Variants in OR1J2 observed in about 807,000 individuals in gnomAD.
The protein encoded by OR1J2 is olfactory receptor 1J2.
For missense variants in OR1J2, 304 were observed against 246.1 expected, an observed-to-expected ratio of 1.24 and a Z score of -1.57; for synonymous variants, 142 against 99.7, an observed-to-expected ratio of 1.42 and a Z score of -2.52.
chr9:122,526,694 C>G, the OR1J2 span: 1 of 1,614,098 alleles, frequency 6.2e-7, no homozygotes, highest in South Asian at 1.1e-5. Context: ...CGGTGCCTCC[C>G]AAGACAAAAA....
chr9:122,485,048 T>C, the OR1J2 span, among the ~76,000 whole-genome samples: 8 of 151,878 alleles, frequency 5.3e-5, no homozygotes, highest in Non-Finnish European at 1.2e-4. Context: ...CAAAAAACAG[T>C]GTGCAGAAGC....
the OR1J2 span, among the ~76,000 whole-genome samples, chr9:122,478,879 A>C: frequency 6.6e-6 from 1 of 151,980 alleles, no homozygotes; most frequent in Admixed American, 6.6e-5. Context: ...TCCTGGGTTC[A>C]AGCGATTCTT....
chr9:122,577,567 G>GAAC, the OR1J2 span, among the ~76,000 whole-genome samples: 1 of 152,050 alleles, frequency 6.6e-6, no homozygotes. Context: ...TAGCAATAAT[G>GAAC]AACTATTGGA....
the OR1J2 span, among the ~76,000 whole-genome samples, chr9:122,541,276 G>A: frequency 2.6e-5 from 4 of 152,112 alleles, no homozygotes. Flanking sequence ...GCTGGCAGTA[G>A]ATAAAATAGA....
At chr9:122,475,451 A>G in the OR1J2 span, among the ~76,000 whole-genome samples, 4 of 152,204 alleles carry the variant, frequency 2.6e-5, no homozygotes, top group Non-Finnish European at 4.4e-5. Flanking sequence ...AGCTTCTTCC[A>G]TTAAGCTTGA....
downstream of OR1J2, chr9:122,511,815 T>A: frequency 1.4e-6 from 1 of 732,838 alleles, no homozygotes; most frequent in Middle Eastern, 3.6e-4. Context: ...TTTGAATATG[T>A]CTCAAAACAT....
At chr9:122,578,731 C>A in the OR1J2 span, among the ~76,000 whole-genome samples, 1 of 152,054 alleles carries the variant, frequency 6.6e-6, no homozygotes, top group Admixed American at 6.6e-5. Flanking sequence ...ATCGTATGTT[C>A]TCACTCATAA....
chr9:122,519,536 C>T, the OR1J2 span: 19 of 1,614,064 alleles, frequency 1.2e-5, no homozygotes, highest in South Asian at 2.2e-5. Context: ...CCCTCCGCTA[C>T]ACCACTATCA....
At chr9:122,492,855 T>C in the OR1J2 span, among the ~76,000 whole-genome samples, 1 of 152,180 alleles carries the variant, frequency 6.6e-6, no homozygotes, top group Admixed American at 6.5e-5. Context: ...TTGTTGTAGA[T>C]GGCTTTTATT....
chr9:122,495,842 A>C, the OR1J2 span, among the ~76,000 whole-genome samples: 1 of 152,186 alleles, frequency 6.6e-6, no homozygotes, highest in South Asian at 2.1e-4. Flanking sequence ...CTGGGATTCA[A>C]GGGCTGCTGT....
chr9:122,488,894 G>C, the OR1J2 span, among the ~76,000 whole-genome samples: 2 of 151,934 alleles, frequency 1.3e-5, no homozygotes, highest in Non-Finnish European at 2.9e-5. Flanking sequence ...TGGGGTACAT[G>C]TGCAGAATGT....
At chr9:122,480,555 C>CTTTT in the OR1J2 span, among the ~76,000 whole-genome samples, 23 of 144,464 alleles carry the variant, frequency 1.6e-4, no homozygotes, top group African/African-American at 5.8e-4. Context: ...CCAGGTATTT[C>CTTTT]TTTTTTTTTT....
At chr9:122,500,939 T>A in the OR1J2 span, among the ~76,000 whole-genome samples, 1 of 152,226 alleles carries the variant, frequency 6.6e-6, no homozygotes, top group African/African-American at 2.4e-5. Flanking sequence ...TTAAGGGAAC[T>A]ATTATACATA....
chr9:122,475,881 T>C, the OR1J2 span: 2 of 152,208 alleles, frequency 1.3e-5, no homozygotes, highest in Non-Finnish European at 2.9e-5. Context: ...TAATTATTCC[T>C]CTTCAAACCC....
At chr9:122,461,379 T>C in the OR1J2 span, among the ~76,000 whole-genome samples, 30 of 149,836 alleles carry the variant, frequency 2.0e-4, no homozygotes, top group African/African-American at 7.0e-4. Context: ...ATCATGTTAT[T>C]ATCCTATCTT....
the OR1J2 span, chr9:122,554,177 G>A: frequency 1.1e-5 from 18 of 1,573,484 alleles, no homozygotes; most frequent in South Asian, 2.3e-5. Flanking sequence ...ACATCTAGAC[G>A]GTGATGTCTA....
At chr9:122,564,304 G>A in the OR1J2 span, among the ~76,000 whole-genome samples, 3 of 152,246 alleles carry the variant, frequency 2.0e-5, no homozygotes, top group Non-Finnish European at 1.5e-5. Context: ...TATGTCCCCA[G>A]TGCAACTGTG....
chr9:122,448,611 G>C, the OR1J2 span, among the ~76,000 whole-genome samples: 1 of 152,124 alleles, frequency 6.6e-6, no homozygotes. Flanking sequence ...GCTTTCCTGG[G>C]CAGAGGTCCC....
chr9:122,540,703 G>T, the OR1J2 span, among the ~76,000 whole-genome samples: 172 of 152,240 alleles, frequency 1.1e-3, no homozygotes, highest in Non-Finnish European at 1.4e-3. Context: ...AAATTACCTT[G>T]GGCAGTATGG....
Sources: allele counts gnomAD v4.1 joint callset (sites outside exome capture counted in the v4.1 genomes callset), GRCh38; gene constraint gnomAD v4.1.1; transcripts MANE v1.5; gene names NCBI Gene and HGNC (gene_info 2026-07-23, HGNC 2026-07-21).